Variants in GRM3 observed in about 807,000 individuals in gnomAD.
GRM3 encodes the protein metabotropic glutamate receptor 3.
Under a neutral mutation model 70.5 loss-of-function variants are expected in GRM3, and 26 were observed. That is an observed-to-expected ratio of 0.37 (90% CI 0.27 to 0.51). The LOEUF is 0.51. GRM3 is among the 20% of genes least tolerant of loss of function. The pLI is 0.93. For synonymous variants in GRM3, 443 were observed against 434.9 expected (o/e 1.02, Z -0.23); for missense variants, 859 against 1,123.8 (o/e 0.76, Z 3.37).
intron 3 of GRM3, among the ~76,000 whole-genome samples, chr7:86,793,646 G>A (rs1290430801): frequency 6.6e-6 from 1 of 152,126 alleles, no homozygotes; most frequent in Non-Finnish European, 1.5e-5. Context: ...TCACTTATTT[G>A]TTTATGCACC....
At chr7:86,747,064 A>G (rs1796120009) in intron 1 of GRM3, among the ~76,000 whole-genome samples, 1 of 152,076 alleles carries the variant, frequency 6.6e-6, no homozygotes, top group East Asian at 1.9e-4. Context: ...CTAAGCACTC[A>G]TAGGAGTTGG....
intron 1 of GRM3, among the ~76,000 whole-genome samples, chr7:86,708,306 T>A (rs188703682): frequency 1.3e-5 from 2 of 152,234 alleles, no homozygotes; most frequent in Admixed American, 6.5e-5. Context: ...TATCACCAGT[T>A]CTCCAATCAC....
intron 1 of GRM3, among the ~76,000 whole-genome samples, chr7:86,708,302 C>G (rs1358930097): frequency 6.6e-6 from 1 of 152,142 alleles, no homozygotes; most frequent in African/African-American, 2.4e-5. Context: ...TTTGTATCAC[C>G]AGTTCTCCAA....
At chr7:86,661,161 G>A (rs1265894913) in intron 1 of GRM3, among the ~76,000 whole-genome samples, 1 of 151,898 alleles carries the variant, frequency 6.6e-6, no homozygotes, top group Non-Finnish European at 1.5e-5. Context: ...CATGGACAGA[G>A]GCCTAAGAAT....
intron 2 of GRM3, among the ~76,000 whole-genome samples, chr7:86,779,344 A>G (rs1049166226): frequency 1.3e-5 from 2 of 152,212 alleles, no homozygotes; most frequent in African/African-American, 4.8e-5. Context: ...AAAATTGTTT[A>G]TCAGTCATAT....
chr7:86,755,908 A>G (rs1185495042), intron 1 of GRM3, among the ~76,000 whole-genome samples: 3 of 152,168 alleles, frequency 2.0e-5, no homozygotes, highest in Non-Finnish European at 2.9e-5. Flanking sequence ...TATAGCTTTT[A>G]TGAAATTAAG....
At chr7:86,775,514 T>G (rs1210942105) in intron 2 of GRM3, among the ~76,000 whole-genome samples, 1 of 152,138 alleles carries the variant, frequency 6.6e-6, no homozygotes, top group Non-Finnish European at 1.5e-5. Flanking sequence ...CCTTTCAAGT[T>G]GGATATCACC....
At chr7:86,730,969 G>T (rs145813616) in intron 1 of GRM3, among the ~76,000 whole-genome samples, 1 of 152,144 alleles carries the variant, frequency 6.6e-6, no homozygotes. Context: ...TCCCTGCTCT[G>T]TCTCCTAGCC....
rs571550024 is a variant in GRM3, at chr7:86,756,952, G to C, written c.-140-8054G>C. Among the ~76,000 whole-genome samples the C allele has an allele frequency of 2.5e-4, 38 of 152,010 alleles. No individual in the cohort carries two copies. The South Asian group carries it at 7.5e-3, about 30-fold the overall frequency. ...GGTCCATTTTCAAGTTTATTATTTT[G>C]CCTCTCCAATCTGTTGCCTCCTGTC... On this transcript the variant is annotated intron_variant, in intron 1 of 5. Coordinates refer to ENST00000361669, the MANE Select transcript of GRM3 (RefSeq NM_000840.3).
intron 2 of GRM3, among the ~76,000 whole-genome samples, chr7:86,771,300 A>G (rs1796733897): frequency 6.6e-6 from 1 of 152,106 alleles, no homozygotes; most frequent in Non-Finnish European, 1.5e-5. Flanking sequence ...AAGTAATTGC[A>G]AAGGAAGTAT....
chr7:86,808,086 G>A (rs1315754806), intron 3 of GRM3, among the ~76,000 whole-genome samples: 3 of 152,074 alleles, frequency 2.0e-5, no homozygotes, highest in Non-Finnish European at 4.4e-5. Flanking sequence ...TGCATCCCAG[G>A]GATGAAACCA....
chr7:86,802,343 G>A (rs1010071317), intron 3 of GRM3, among the ~76,000 whole-genome samples: 5 of 152,080 alleles, frequency 3.3e-5, no homozygotes, highest in African/African-American at 1.2e-4. Flanking sequence ...CAGTCTCATT[G>A]TCATTTGGCT....
At chr7:86,713,950 T>C (rs930021943) in intron 1 of GRM3, among the ~76,000 whole-genome samples, 11 of 152,042 alleles carry the variant, frequency 7.2e-5, no homozygotes, top group Middle Eastern at 3.4e-3. Context: ...TTCCAGCCCA[T>C]TGTAGGATGT....
intron 3 of GRM3, among the ~76,000 whole-genome samples, chr7:86,838,434 C>A (rs1798499183): frequency 6.6e-6 from 1 of 152,070 alleles, no homozygotes; most frequent in Non-Finnish European, 1.5e-5. Flanking sequence ...AGATGGGAAA[C>A]ATTTTATTGG....
intron 1 of GRM3, among the ~76,000 whole-genome samples, chr7:86,719,552 G>A (rs1795405377): frequency 6.6e-6 from 1 of 151,954 alleles, no homozygotes; most frequent in Admixed American, 6.6e-5. Flanking sequence ...TGGACTTATT[G>A]GGTCTAGAGT....
Position 86,862,765 on chromosome 7 carries a change from C to A in GRM3, c.2567-1517C>A, listed in dbSNP as rs1414980762. On this transcript the variant is annotated intron_variant, in intron 5 of 5. Transcript: ENST00000361669. Reference sequence around the variant, plus strand: ...GACCTGCTGATAGACTTCAGTGCCCCAAGTATAGTGAATGCTCCCCCACTG... The same window carrying A: ...GACCTGCTGATAGACTTCAGTGCCCAAAGTATAGTGAATGCTCCCCCACTG... Among the ~76,000 whole-genome samples, 6 of 152,082 alleles carry A rather than the reference C, an allele frequency of 3.9e-5. No individual in the cohort carries two copies. In the East Asian group the frequency reaches 1.2e-3, roughly 29 times the overall value.
chr7:86,686,299 C>A (rs1489930764), intron 1 of GRM3, among the ~76,000 whole-genome samples: 1 of 151,966 alleles, frequency 6.6e-6, no homozygotes. Context: ...ACTGAAGAGA[C>A]AAATATAAGA....
chr7:86,676,418 CT>C (rs1475119133), intron 1 of GRM3, among the ~76,000 whole-genome samples: 2 of 125,522 alleles, frequency 1.6e-5, no homozygotes, highest in Non-Finnish European at 3.3e-5. Flanking sequence ...AAATAATTCT[CT>C]GTAGAAAAGC....
intron 2 of GRM3, among the ~76,000 whole-genome samples, chr7:86,769,238 G>A (rs1365187858): frequency 6.6e-6 from 1 of 151,998 alleles, no homozygotes; most frequent in African/African-American, 2.4e-5. Context: ...TTGACTTCCT[G>A]CATATGTACT....
Sources: allele counts gnomAD v4.1 joint callset (sites outside exome capture counted in the v4.1 genomes callset), GRCh38; gene constraint gnomAD v4.1.1; transcripts MANE v1.5; gene names NCBI Gene and HGNC (gene_info 2026-07-23, HGNC 2026-07-21).